ANO5: variants seen among roughly 807,000 people sequenced by gnomAD.
ANO5 encodes anoctamin 5.
Under a neutral mutation model 121.0 loss-of-function variants are expected in ANO5, and 109 were observed. That is an observed-to-expected ratio of 0.90 (90% CI 0.77 to 1.06). The LOEUF is 1.06. ANO5 is among the 50% of genes least tolerant of loss of function. ANO5 has a pLI of 0.00. For missense variants in ANO5, 1,064 were observed against 1,078.5 expected, an observed-to-expected ratio of 0.99 and a Z score of 0.19; for synonymous variants, 406 against 359.9, an observed-to-expected ratio of 1.13 and a Z score of -1.45.
At chr11:22,270,496 T>A in intron 18 of ANO5, 54 bp downstream of exon 18, 1 of 1,606,608 alleles carries the variant, frequency 6.2e-7, no homozygotes, top group Non-Finnish European at 8.5e-7. Context: ...GAGTGGTTTT[T>A]CAGCTCCAGA....
intron 7 of ANO5, among the ~76,000 whole-genome samples, chr11:22,235,925 A>C (rs559690153): frequency 2.0e-4 from 30 of 152,248 alleles, no homozygotes; most frequent in Non-Finnish European, 3.4e-4. Context: ...AAAATAAATT[A>C]TGGTCTGTTC....
Position 22,211,250 on chromosome 11 carries a change from C to T in ANO5, c.88-14C>T, listed in dbSNP as rs770721931. Reference sequence around the variant, plus strand: ...TATTAATAATAGCATTATATCTTCCCCTGGTACTGTTAGCAGAGCCTGAGC... The same window carrying T: ...TATTAATAATAGCATTATATCTTCCTCTGGTACTGTTAGCAGAGCCTGAGC... On this transcript the variant is annotated splice_polypyrimidine_tract_variant and intron_variant, in intron 2 of 21. Coordinates refer to ENST00000324559, the MANE Select transcript of ANO5 (RefSeq NM_213599.3). 2.5e-6 allele frequency: 4 copies of T among 1,611,610 alleles called. No individual in the cohort carries two copies. The highest frequency in any genetic ancestry group is 3.4e-6 in the Non-Finnish European group (4 of 1,178,250).
At chr11:22,253,424 T>C (rs542229126) in intron 12 of ANO5, among the ~76,000 whole-genome samples, 4 of 152,266 alleles carry the variant, frequency 2.6e-5, no homozygotes, top group Admixed American at 6.5e-5. Context: ...TTTAAATGAT[T>C]AGTGTATTTA....
chr11:22,203,960 T>A (rs1270706720), intron 2 of ANO5, 110 bp downstream of exon 2: 12 of 652,244 alleles, frequency 1.8e-5, no homozygotes, highest in Non-Finnish European at 2.5e-6. Flanking sequence ...TATTATGCCC[T>A]CTAATTTATT....
chr11:22,234,026 TCTTAAGGATCTTGATCCTA>T (rs1283664243), intron 7 of ANO5, among the ~76,000 whole-genome samples: 3 of 152,114 alleles, frequency 2.0e-5, no homozygotes, highest in Non-Finnish European at 2.9e-5. Context: ...TCAAAGAAAT[TCTTAAGGATCTTGATCCTA>T]CTTATTTAAA....
chr11:22,195,797 C>T (rs1162941612), intron 1 of ANO5, among the ~76,000 whole-genome samples: 2 of 152,096 alleles, frequency 1.3e-5, no homozygotes, highest in Non-Finnish European at 2.9e-5. Flanking sequence ...CCAAATTGTG[C>T]CTCTGATTAG....
chr11:22,248,516 C>T lies in ANO5; in HGVS notation c.879-1721C>T, dbSNP rs377435388. 4.6e-4 allele frequency among the ~76,000 whole-genome samples: 70 copies of T among 152,104 alleles called. No individual in the cohort carries two copies. In the South Asian group the frequency reaches 5.2e-3, roughly 11 times the overall value. On this transcript the variant is annotated intron_variant, in intron 9 of 21. Coordinates refer to ENST00000324559, the MANE Select transcript of ANO5 (RefSeq NM_213599.3). Reference sequence around the variant, plus strand: ...ATATTGCAAATCTAAGAAATATCTCCTGCTTTCTGAGATCCTGAAAGATTA... The same window carrying T: ...ATATTGCAAATCTAAGAAATATCTCTTGCTTTCTGAGATCCTGAAAGATTA...
rs1253740019 is a variant in ANO5, at chr11:22,282,942, GC to G, written c.*3179del. 3 of 152,080 alleles carry G rather than the reference GC, an allele frequency of 2.0e-5. No homozygotes were observed. Among genetic ancestry groups the G allele is most frequent in the African/African-American group, 7.2e-5 (3 of 41,416 alleles). The allele number at this position is 152,080 out of a possible 1,614,324, so 9.4% of individuals were successfully genotyped here. A position where few individuals can be genotyped will look rare whatever the true frequency, so the allele number is the denominator to read the frequency against. On this transcript the variant is annotated 3_prime_UTR_variant, in exon 22 of 22. Coordinates refer to ENST00000324559, the MANE Select transcript of ANO5 (RefSeq NM_213599.3). ...GCATTGCAAAAAGTACCATTGGCCA[GC>G]CTTACAAGTCAGCCACAATGAGTCG... is the stretch of plus-strand genomic sequence containing the variant.
chr11:22,200,656 C>A (rs1174515057), intron 1 of ANO5, among the ~76,000 whole-genome samples: 11 of 152,028 alleles, frequency 7.2e-5, no homozygotes, highest in African/African-American at 2.7e-4. Context: ...ATGATGGCAC[C>A]AGCAGTTTTA....
intron 1 of ANO5, among the ~76,000 whole-genome samples, chr11:22,202,246 T>G (rs1851988075): frequency 6.6e-6 from 1 of 152,134 alleles, no homozygotes; most frequent in African/African-American, 2.4e-5. Flanking sequence ...TTAACCAATG[T>G]ACAGATCAAA....
At chr11:22,212,257 CT>C (rs1852301418) in intron 3 of ANO5, among the ~76,000 whole-genome samples, 1 of 135,310 alleles carries the variant, frequency 7.4e-6, no homozygotes, top group African/African-American at 3.9e-5. Flanking sequence ...GAAGGTAAAT[CT>C]GTCTTAGCTT....
In ANO5 at chr11:22,270,435, A is replaced by C; in HGVS notation, c.2022A>C (p.Leu674Phe). ...FGPLGLFYEY[L>F]ETVTQFGFVT... ...CCCTTGGGCTTTTCTATGAGTACTT[A>C]GAAACAGGTAATTTTTAACCACTGT... The change falls in exon 18 of 22, where the codon TTA becomes TTC. Residue 674 changes from leucine (L) to phenylalanine (F), a missense_variant. Transcript: ENST00000324559. 1 of 1,614,144 alleles carries C rather than the reference A, an allele frequency of 6.2e-7. No individual in the cohort carries two copies. The highest frequency in any genetic ancestry group is 1.1e-5 in the South Asian group (1 of 91,084).
chr11:22,258,932 G>A (rs937020571), intron 14 of ANO5, among the ~76,000 whole-genome samples: 2 of 152,082 alleles, frequency 1.3e-5, no homozygotes, highest in African/African-American at 2.4e-5. Flanking sequence ...AGGAGATCGA[G>A]ACTATCCTGG....
At chr11:22,267,693 G>C (rs988927155) in intron 17 of ANO5, among the ~76,000 whole-genome samples, 1 of 151,760 alleles carries the variant, frequency 6.6e-6, no homozygotes, top group Non-Finnish European at 1.5e-5. Flanking sequence ...GGGGTTTGTT[G>C]TATAGATTAT....
rs1854000190 is a variant in ANO5, at chr11:22,256,372, A to G, written c.1332+850A>G. The stretch of plus-strand genomic sequence containing the variant: ...TTATTCTCGCAGTATAACATTTAAA[A>G]TTATTTTCACCATTTAGGCATTCAC... On this transcript the variant is annotated intron_variant, in intron 13 of 21. Coordinates refer to ENST00000324559, the MANE Select transcript of ANO5 (RefSeq NM_213599.3). Among the ~76,000 whole-genome samples, 9 of 152,330 alleles carry G rather than the reference A, an allele frequency of 5.9e-5. No homozygotes were observed. The South Asian group carries it at 1.9e-3, about 32-fold the overall frequency.
At position 22,259,231 on chromosome 11, in the gene ANO5, C is replaced by T. The variant is rs902614278; in HGVS notation, c.1408-288C>T. On this transcript the variant is annotated intron_variant, in intron 14 of 21. Coordinates refer to ENST00000324559, the MANE Select transcript of ANO5 (RefSeq NM_213599.3). The stretch of plus-strand genomic sequence containing the variant: ...GCCACGGGCAGGATTTGGCTTTCTA[C>T]TATAGTTTGCCACTCCCTACTAGAG... Among the ~76,000 whole-genome samples the T allele has an allele frequency of 1.1e-4, 17 of 151,944 alleles. 1 individual carries two copies. The highest frequency in any genetic ancestry group is 2.9e-4 in the African/African-American group (12 of 41,376).
intron 2 of ANO5, among the ~76,000 whole-genome samples, chr11:22,204,493 T>C (rs1019341051): frequency 2.6e-5 from 4 of 152,122 alleles, no homozygotes; most frequent in African/African-American, 9.7e-5. Context: ...TTTCAGGATG[T>C]CCTGCCAGAT....
chr11:22,222,832 T>C (rs1449355453), intron 5 of ANO5, among the ~76,000 whole-genome samples: 1 of 152,042 alleles, frequency 6.6e-6, no homozygotes, highest in African/African-American at 2.4e-5. Flanking sequence ...CCTTATGCTG[T>C]GTGGCAATCA....
chr11:22,263,105 G>C, intron 17 of ANO5, 62 bp downstream of exon 17: 2 of 1,422,190 alleles, frequency 1.4e-6, no homozygotes, highest in South Asian at 1.2e-5. Flanking sequence ...TCCTCTAGAA[G>C]AAGATGGAAT....
Sources: allele counts gnomAD v4.1 joint callset (sites outside exome capture counted in the v4.1 genomes callset), GRCh38; gene constraint gnomAD v4.1.1; transcripts MANE v1.5; gene names NCBI Gene and HGNC (gene_info 2026-07-23, HGNC 2026-07-21).